FAM241A: variants seen among roughly 807,000 people sequenced by gnomAD.
FAM241A encodes family with sequence similarity 241 member A, also known as uncharacterized protein FAM241A.
Under a neutral mutation model 12.2 loss-of-function variants are expected in FAM241A, and 7 were observed. That is an observed-to-expected ratio of 0.58 (90% CI 0.33 to 1.08). FAM241A has a LOEUF of 1.08. FAM241A is among the 50% of genes least tolerant of loss of function. The pLI is 0.04. For missense variants in FAM241A, 161 were observed against 169.7 expected, an observed-to-expected ratio of 0.95 and a Z score of 0.29; for synonymous variants, 74 against 68.2, an observed-to-expected ratio of 1.08 and a Z score of -0.42.
At chr4:112,147,593 A>C (rs1259187340) in intron 1 of FAM241A, among the ~76,000 whole-genome samples, 1 of 152,236 alleles carries the variant, frequency 6.6e-6, no homozygotes, top group Admixed American at 6.5e-5. Context: ...ATGATGGTAG[A>C]AATAGTATTA....
intron 1 of FAM241A, among the ~76,000 whole-genome samples, chr4:112,150,662 G>C (rs1298135221): frequency 2.7e-5 from 4 of 150,802 alleles, no homozygotes; most frequent in African/African-American, 9.8e-5. Context: ...CAGTGAGGGG[G>C]GTCCATGCCT....
chr4:112,179,214 T>C (rs1316363530), intron 1 of FAM241A, among the ~76,000 whole-genome samples: 1 of 152,212 alleles, frequency 6.6e-6, no homozygotes, highest in African/African-American at 2.4e-5. Context: ...GCCTATGTCC[T>C]GAATGGTATT....
chr4:112,147,072 A>G (rs1469748835), intron 1 of FAM241A, among the ~76,000 whole-genome samples: 1 of 152,228 alleles, frequency 6.6e-6, no homozygotes, highest in Admixed American at 6.5e-5. Flanking sequence ...TAAATTTTCA[A>G]ATAGTTGTAA....
intron 1 of FAM241A, among the ~76,000 whole-genome samples, chr4:112,146,917 C>T (rs893348260): frequency 1.3e-5 from 2 of 152,174 alleles, no homozygotes; most frequent in African/African-American, 4.8e-5. Flanking sequence ...GATTCCCTTC[C>T]TAGTGGTTTT....
chr4:112,164,079 A>C (rs1422461630), intron 1 of FAM241A, among the ~76,000 whole-genome samples: 3 of 150,982 alleles, frequency 2.0e-5, no homozygotes, highest in African/African-American at 7.3e-5. Context: ...ACCCTTGGAC[A>C]CAGGGTGGGG....
chr4:112,168,223 A>G (rs1209607821), intron 1 of FAM241A, among the ~76,000 whole-genome samples: 1 of 152,266 alleles, frequency 6.6e-6, no homozygotes, highest in African/African-American at 2.4e-5. Flanking sequence ...TTTTTTCACA[A>G]GAAATGTCAC....
rs1247267394 is a variant in FAM241A at position 112,193,255 on chromosome 4, T to G, written c.*6317T>G. 1 of 152,112 alleles carries G rather than the reference T, an allele frequency of 6.6e-6. No homozygotes were observed. Among genetic ancestry groups the G allele is most frequent in the Admixed American group, 6.6e-5 (1 of 15,264 alleles). The allele number at this position is 152,112 out of a possible 1,614,324, so 9.4% of individuals were successfully genotyped here. On this transcript the variant is annotated 3_prime_UTR_variant, in exon 2 of 2. Coordinates refer to ENST00000309733, the MANE Select transcript of FAM241A (RefSeq NM_152400.3). ...GTAGATTCTGGATATTAGCCCTTTGTCAGATGAGTAGGTTGCGAAAATTTT... is the reference window on the plus strand; with the variant it reads ...GTAGATTCTGGATATTAGCCCTTTGGCAGATGAGTAGGTTGCGAAAATTTT...
At position 112,190,419 on chromosome 4, in the gene FAM241A, T is replaced by G. The variant is rs1724141512; in HGVS notation, c.*3481T>G. On this transcript the variant is annotated 3_prime_UTR_variant, in exon 2 of 2. Coordinates refer to ENST00000309733, the MANE Select transcript of FAM241A (RefSeq NM_152400.3). ...ACGGCCAGGCGCGGTGGCTCATCCCTATAAAAGTGCTGGGACAGCACTTTG... is the reference window on the plus strand; with the variant it reads ...ACGGCCAGGCGCGGTGGCTCATCCCGATAAAAGTGCTGGGACAGCACTTTG... 6.6e-6 allele frequency: 1 copy of G among 151,392 alleles called. No individual in the cohort carries two copies. Among genetic ancestry groups the G allele is most frequent in the Non-Finnish European group, 1.5e-5 (1 of 67,934 alleles). 9.4% of individuals were successfully genotyped at this position (151,392 alleles called of 1,614,324 possible).
At chr4:112,147,920 C>T (rs1428203123) in intron 1 of FAM241A, among the ~76,000 whole-genome samples, 3 of 151,912 alleles carry the variant, frequency 2.0e-5, no homozygotes, top group African/African-American at 2.4e-5. Flanking sequence ...CTTCGTGTTC[C>T]GGAGTCATGG....
intron 1 of FAM241A, among the ~76,000 whole-genome samples, chr4:112,146,634 T>C (rs529081035): frequency 4.6e-5 from 7 of 152,254 alleles, no homozygotes; most frequent in Non-Finnish European, 1.0e-4. Context: ...TATTACAGCC[T>C]GTACTGTTAG....
chr4:112,179,994 A>G (rs1399036126), intron 1 of FAM241A, among the ~76,000 whole-genome samples: 1 of 109,326 alleles, frequency 9.1e-6, no homozygotes, highest in Non-Finnish European at 1.8e-5. Flanking sequence ...CATAATGTAT[A>G]TATATTATGT....
At chr4:112,163,287 A>G (rs1272986068) in intron 1 of FAM241A, among the ~76,000 whole-genome samples, 2 of 152,256 alleles carry the variant, frequency 1.3e-5, no homozygotes, top group Non-Finnish European at 2.9e-5. Flanking sequence ...AGCAATGGCA[A>G]CAAAAGCCAA....
chr4:112,185,995 G>A (rs887456301), intron 1 of FAM241A, among the ~76,000 whole-genome samples: 2 of 152,152 alleles, frequency 1.3e-5, no homozygotes, highest in African/African-American at 4.8e-5. Flanking sequence ...ATTCCAAAGA[G>A]TGGGTTTGAA....
intron 1 of FAM241A, among the ~76,000 whole-genome samples, chr4:112,183,277 T>A (rs1723976901): frequency 6.6e-6 from 1 of 152,038 alleles, no homozygotes; most frequent in Non-Finnish European, 1.5e-5. Flanking sequence ...GTGCTTAAAT[T>A]TTTTTATAAT....
chr4:112,164,465 G>T (rs769683588), intron 1 of FAM241A, among the ~76,000 whole-genome samples: 9 of 150,308 alleles, frequency 6.0e-5, no homozygotes, highest in Admixed American at 1.3e-4. Context: ...GGGGAAGAGG[G>T]GAGGGATAGC....
rs900333000 is a variant in FAM241A at position 112,146,000 on chromosome 4, C to G, written c.153+267C>G. 3.3e-5 allele frequency among the ~76,000 whole-genome samples: 5 copies of G among 152,164 alleles called. No homozygotes were observed. The East Asian group carries it at 9.7e-4, about 30-fold the overall frequency. On this transcript the variant is annotated intron_variant, in intron 1 of 1. Transcript: ENST00000309733. ...TCAGCGTGGTTCGTCCCCTGGCGTC[C>G]GGCAGAGGATTCTCAGGCTGGCGCC...
At chr4:112,179,626 G>A (rs1723888370) in intron 1 of FAM241A, among the ~76,000 whole-genome samples, 1 of 151,742 alleles carries the variant, frequency 6.6e-6, no homozygotes, top group African/African-American at 2.4e-5. Flanking sequence ...GTTAATGGGT[G>A]CAGCACACCA....
chr4:112,151,759 A>G (rs559274109), intron 1 of FAM241A, among the ~76,000 whole-genome samples: 17 of 152,340 alleles, frequency 1.1e-4, no homozygotes, highest in South Asian at 1.0e-3. Flanking sequence ...ATGAGAAGCC[A>G]ATAGTTGTTC....
At chr4:112,150,250 T>C (rs1435304405) in intron 1 of FAM241A, among the ~76,000 whole-genome samples, 2 of 152,156 alleles carry the variant, frequency 1.3e-5, no homozygotes, top group African/African-American at 4.8e-5. Context: ...TATTAAAGTC[T>C]GTATTAAGTT....
Sources: gnomAD v4.1 joint callset for allele counts (sites outside exome capture counted in the v4.1 genomes callset) on GRCh38, gnomAD v4.1.1 for gene constraint, MANE v1.5 for transcripts, NCBI Gene and HGNC (gene_info 2026-07-23, HGNC 2026-07-21) for gene names.